Variants in TFEC observed in about 807,000 individuals in gnomAD.
TFEC encodes the protein transcription factor EC.
A neutral mutation model predicts 41.6 loss-of-function variants in TFEC; 31 were observed. The ratio of observed to expected loss-of-function variants is 0.74; its 90% CI spans 0.56 to 1.01. TFEC has a LOEUF of 1.01. Among genes scored for constraint, TFEC ranks in the 50% least tolerant of loss-of-function variants. TFEC has a pLI of 0.00. For synonymous variants in TFEC, 143 were observed against 140.6 expected (o/e 1.02, Z -0.12); for missense variants, 402 against 404.1 (o/e 0.99, Z 0.04).
intron 6 of TFEC, among the ~76,000 whole-genome samples, chr7:115,950,203 A>T (rs1423445177): frequency 6.6e-6 from 1 of 151,840 alleles, no homozygotes. Flanking sequence ...ATAGAGACAG[A>T]GTTTCACCAT....
chr7:116,107,151 T>C (rs17138298), intron 3 of TFEC, among the ~76,000 whole-genome samples: 33 of 152,102 alleles, frequency 2.2e-4, no homozygotes, highest in Non-Finnish European at 3.8e-4. Context: ...AAGACAAGAA[T>C]AGCAGAGGCA....
At chr7:116,081,894 A>T (rs150290781) in intron 3 of TFEC, among the ~76,000 whole-genome samples, 22 of 152,140 alleles carry the variant, frequency 1.4e-4, no homozygotes, top group African/African-American at 5.1e-4. Flanking sequence ...TGCTTGATTA[A>T]TGTTTACCTC....
intron 3 of TFEC, among the ~76,000 whole-genome samples, chr7:116,088,884 GAGAC>G (rs1485413025): frequency 6.6e-6 from 1 of 151,948 alleles, no homozygotes; most frequent in Non-Finnish European, 1.5e-5. Flanking sequence ...AAGGAAAAAT[GAGAC>G]AGACAGGGAA....
intron 3 of TFEC, among the ~76,000 whole-genome samples, chr7:116,077,480 G>C (rs751572127): frequency 6.6e-5 from 10 of 151,994 alleles, no homozygotes; most frequent in Non-Finnish European, 1.5e-4. Context: ...AATACAGAAT[G>C]GCTGAACGGA....
At chr7:115,974,412 A>ATATATATATATATATAAAACCTCAATAT (rs1793281615) in intron 2 of TFEC, among the ~76,000 whole-genome samples, 156 bp from the exon 3 acceptor site, 1 of 31,658 alleles carries the variant, frequency 3.2e-5, no homozygotes, top group Non-Finnish European at 6.8e-5. Flanking sequence ...AATATTATAT[A>ATATATATATATATATAAAACCTCAATAT]TATATATATA....
chr7:116,112,043 AAAG>A (rs1196492206), intron 1 of TFEC: 1 of 980,536 alleles, frequency 1.0e-6, no homozygotes, highest in Non-Finnish European at 1.2e-6. Flanking sequence ...AGGACTCTGA[AAAG>A]AAAAAAAAAG....
chr7:116,148,038 T>TA (rs1054053973), intron 1 of TFEC, among the ~76,000 whole-genome samples: 2 of 152,206 alleles, frequency 1.3e-5, no homozygotes, highest in Non-Finnish European at 2.9e-5. Context: ...TCTACAAATT[T>TA]AAATAGGGCT....
chr7:116,127,569 AT>A (rs912319130), intron 1 of TFEC, among the ~76,000 whole-genome samples: 5 of 150,908 alleles, frequency 3.3e-5, no homozygotes, highest in Admixed American at 1.3e-4. Context: ...TATTTGTTCT[AT>A]TTTTTTCTTT....
At chr7:115,945,267 C>G (rs1791468793) in intron 6 of TFEC, among the ~76,000 whole-genome samples, 1 of 151,182 alleles carries the variant, frequency 6.6e-6, no homozygotes, top group African/African-American at 2.4e-5. Flanking sequence ...TCCCTTTTTC[C>G]AGCATTCTTG....
chr7:116,027,832 T>A (rs1383275370), intron 1 of TFEC, among the ~76,000 whole-genome samples: 3 of 152,172 alleles, frequency 2.0e-5, no homozygotes, highest in Non-Finnish European at 2.9e-5. Flanking sequence ...GGCATGAGAA[T>A]CCTTATTAAA....
At chr7:115,977,138 C>T (rs1471106547) in intron 2 of TFEC, among the ~76,000 whole-genome samples, 2 of 151,974 alleles carry the variant, frequency 1.3e-5, no homozygotes, top group Non-Finnish European at 2.9e-5. Context: ...ATTAAAAACC[C>T]AAGAATCCAT....
rs192434453 is a variant in TFEC at position 116,054,614 on chromosome 7, T to G, written c.198+56094A>C. On this transcript the variant is annotated intron_variant, in intron 3 of 8. Coordinates refer to the TFEC transcript ENST00000484212. The stretch of plus-strand genomic sequence containing the variant: ...GTTGCCAGATTTAGCAAATAAAAAA[T>G]ACAGGATGCCCAGATACATTTGAAT... Among the ~76,000 whole-genome samples, 4 of 152,260 alleles carry G rather than the reference T, an allele frequency of 2.6e-5. No individual in the cohort carries two copies. In the East Asian group the frequency reaches 7.7e-4, roughly 29 times the overall value.
chr7:116,082,697 T>A lies in TFEC; in HGVS notation c.198+28011A>T, dbSNP rs576104898. Among the ~76,000 whole-genome samples, 5 of 152,086 alleles carry A rather than the reference T, an allele frequency of 3.3e-5. No individual in the cohort carries two copies. In the South Asian group the frequency reaches 1.0e-3, roughly 31 times the overall value. On this transcript the variant is annotated intron_variant, in intron 3 of 8. Coordinates refer to the TFEC transcript ENST00000484212. ...AATTTGTGATAATGCCATAATTTTT[T>A]TTGGCAAACATTAGGTGTTTAGCAG...
chr7:116,115,154 G>A (rs1166399844), intron 1 of TFEC, among the ~76,000 whole-genome samples: 1 of 151,988 alleles, frequency 6.6e-6, no homozygotes, highest in Non-Finnish European at 1.5e-5. Flanking sequence ...TAGGAACACG[G>A]AGCCTATAAT....
At chr7:116,148,164 G>A (rs1798682680) in intron 1 of TFEC, among the ~76,000 whole-genome samples, 2 of 152,148 alleles carry the variant, frequency 1.3e-5, no homozygotes, top group African/African-American at 4.8e-5. Flanking sequence ...AAAGCCCTGT[G>A]GTCAGAGTAT....
At chr7:116,137,691 T>G (rs918549096) in intron 1 of TFEC, among the ~76,000 whole-genome samples, 1 of 152,108 alleles carries the variant, frequency 6.6e-6, no homozygotes, top group Non-Finnish European at 1.5e-5. Flanking sequence ...ACACACTGCA[T>G]CAACAGTGAA....
chr7:115,952,709 G>A (rs1447119295), intron 5 of TFEC, among the ~76,000 whole-genome samples: 5 of 152,056 alleles, frequency 3.3e-5, no homozygotes, highest in Non-Finnish European at 5.9e-5. Flanking sequence ...AAGGAGTCAA[G>A]TTTTAAGAAA....
At chr7:116,122,639 G>A (rs1028572102) in intron 1 of TFEC, among the ~76,000 whole-genome samples, 7 of 152,036 alleles carry the variant, frequency 4.6e-5, no homozygotes, top group African/African-American at 1.7e-4. Flanking sequence ...CTGCCAGGTA[G>A]CAGGCTTTCT....
At chr7:115,995,894 C>T (rs555197502) in intron 1 of TFEC, among the ~76,000 whole-genome samples, 2 of 152,314 alleles carry the variant, frequency 1.3e-5, no homozygotes, top group Non-Finnish European at 2.9e-5. Context: ...TAGACCAGCC[C>T]TACCCGGAGG....
Sources: gnomAD v4.1 joint callset for allele counts (sites outside exome capture counted in the v4.1 genomes callset) on GRCh38, gnomAD v4.1.1 for gene constraint, MANE v1.5 for transcripts, NCBI Gene and HGNC (gene_info 2026-07-23, HGNC 2026-07-21) for gene names.